The following PI4KA variants were observed in gnomAD, a reference collection of about 807,000 sequenced individuals.
PI4KA encodes the protein phosphatidylinositol 4-kinase alpha.
Under a neutral mutation model 271.4 loss-of-function variants are expected in PI4KA, and 122 were observed. That is an observed-to-expected ratio of 0.45 (90% CI 0.39 to 0.52). PI4KA has a LOEUF of 0.52. Ranked by LOEUF, PI4KA falls within the 20% of genes least tolerant of loss-of-function variation. PI4KA has a pLI of 0.00. For missense variants in PI4KA, 1,969 were observed against 2,769.1 expected, an observed-to-expected ratio of 0.71 and a Z score of 6.48; for synonymous variants, 1,041 against 1,078.8, an observed-to-expected ratio of 0.96 and a Z score of 0.69.
At chr22:20,737,071 A>G (rs1164689962) in intron 32 of PI4KA, among the ~76,000 whole-genome samples, 2 of 152,214 alleles carry the variant, frequency 1.3e-5, no homozygotes, top group Non-Finnish European at 2.9e-5. Context: ...TCAGTTCACC[A>G]TGCAGGCTGT....
intron 1 of PI4KA, among the ~76,000 whole-genome samples, chr22:20,858,201 G>A (rs1366693330): frequency 1.3e-5 from 2 of 152,190 alleles, no homozygotes; most frequent in East Asian, 1.9e-4. Flanking sequence ...CAGAACCCCA[G>A]GTCTTGACCC....
chr22:20,831,805 G>A (rs1924212934), intron 3 of PI4KA, among the ~76,000 whole-genome samples: 1 of 151,984 alleles, frequency 6.6e-6, no homozygotes, highest in African/African-American at 2.4e-5. Context: ...CCTTGGGGAT[G>A]GTCTTCTTGT....
rs187751922 is a variant in PI4KA, at chr22:20,761,497, T to C, written c.2709-111A>G. 289 of 720,022 alleles carry C rather than the reference T, an allele frequency of 4.0e-4. No homozygotes were observed. In the African/African-American group the frequency reaches 4.5e-3, roughly 11 times the overall value. 44.6% of individuals were successfully genotyped at this position (720,022 alleles called of 1,614,324 possible). On this transcript the variant is annotated intron_variant, in intron 22 of 54. Transcript: ENST00000255882. ...TGTGAAGAACATTTGCCCTCTGTCA[T>C]TCATAAGGGTGCACACTGAGGTGGA... is the stretch of plus-strand genomic sequence containing the variant.
chr22:20,743,161 TGA>T (rs1929664012), intron 30 of PI4KA, among the ~76,000 whole-genome samples: 2 of 152,216 alleles, frequency 1.3e-5, no homozygotes, highest in East Asian at 3.8e-4. Context: ...TATTATTTTT[TGA>T]GAGAGGGAGT....
chr22:20,802,572 G>A (rs1222248871), intron 13 of PI4KA, among the ~76,000 whole-genome samples: 1 of 152,182 alleles, frequency 6.6e-6, no homozygotes, highest in Non-Finnish European at 1.5e-5. Context: ...GTCTTGCTCT[G>A]TCACCCAGGC....
intron 29 of PI4KA, 132 bp from the exon 30 acceptor site, chr22:20,744,852 GC>G: frequency 1.7e-6 from 1 of 578,834 alleles, no homozygotes; most frequent in Non-Finnish European, 2.9e-6. Flanking sequence ...AATCTTCACT[GC>G]TGGCAAGTTA....
Position 20,709,974 on chromosome 22 carries a change from G to C in PI4KA, c.6107C>G (p.Ser2036Cys), listed in dbSNP as rs1925035996. 2 of 1,613,650 alleles carry C rather than the reference G, an allele frequency of 1.2e-6. No homozygotes were observed. The highest frequency in any genetic ancestry group is 1.3e-5 in the African/African-American group (1 of 75,026). ...CGTGTCCAACATGAGAGTGACCAGG[G>C]AGACGACCGCGTCCATGTAGGGCCT... ...AVRPYMDAVV[S>C]LVTLMLDTGL... The change falls in exon 53 of 55, where the codon TCC (serine) becomes TGC (cysteine). Residue 2036 changes from serine to cysteine, a missense_variant. This residue lies in a region of PI4KA where 110 missense variants were observed against 349.8 expected (regional missense o/e 0.31). Transcript: ENST00000255882.
chr22:20,829,992 T>C (rs1472172601), intron 3 of PI4KA, among the ~76,000 whole-genome samples: 1 of 152,248 alleles, frequency 6.6e-6, no homozygotes, highest in Non-Finnish European at 1.5e-5. Flanking sequence ...ATTCTATTTT[T>C]ATTGTGCTGT....
At position 20,843,081 on chromosome 22, in the gene PI4KA, G is replaced by C. The variant is rs568209815; in HGVS notation, c.157-4350C>G. 3.5e-3 allele frequency among the ~76,000 whole-genome samples: 497 copies of C among 140,406 alleles called. 5 individuals are homozygous for C. Among genetic ancestry groups the C allele is most frequent in the Non-Finnish European group, 5.1e-3 (338 of 66,466 alleles). 92.1% of individuals were successfully genotyped at this position (140,406 alleles called of 152,430 possible). ...CCACTGCACTCCAGCCTGGGCGACAGAGCGAGACTCCGTCTCAAAAAAAAA... is the reference window on the plus strand; with the variant it reads ...CCACTGCACTCCAGCCTGGGCGACACAGCGAGACTCCGTCTCAAAAAAAAA... On this transcript the variant is annotated intron_variant, in intron 1 of 54. Transcript: ENST00000255882.
intron 23 of PI4KA, among the ~76,000 whole-genome samples, chr22:20,758,558 G>A (rs1430833761): frequency 6.8e-6 from 1 of 146,794 alleles, no homozygotes; most frequent in Non-Finnish European, 1.5e-5. Context: ...GCTCAAGGAA[G>A]CCAAAAAATT....
intron 13 of PI4KA, 25 bp from the exon 14 acceptor site, chr22:20,802,130 T>C: frequency 2.5e-6 from 4 of 1,607,038 alleles, no homozygotes; most frequent in Non-Finnish European, 3.4e-6. Context: ...TTCAAATATA[T>C]ACCTAGTTAG....
chr22:20,758,751 C>G (rs954944125), intron 23 of PI4KA, among the ~76,000 whole-genome samples: 1 of 152,132 alleles, frequency 6.6e-6, no homozygotes, highest in African/African-American at 2.4e-5. Flanking sequence ...GCCCCCACCC[C>G]GCCCTGTGTC....
chr22:20,715,040 A>T (rs1261558209), intron 45 of PI4KA, among the ~76,000 whole-genome samples: 1 of 150,500 alleles, frequency 6.6e-6, no homozygotes, highest in Non-Finnish European at 1.5e-5. Context: ...CACCTGCCTG[A>T]GCAACCCTCT....
Position 20,748,400 on chromosome 22 carries a change from C to T in PI4KA, c.3244-698G>A, listed in dbSNP as rs142715859. ...AGCCTCGGTTCTCTACTGCAGCATA[C>T]CAGCAGCCTGGTGTGGGTGAACTGG... On this transcript the variant is annotated intron_variant, in intron 28 of 54. Transcript: ENST00000255882. 7.0e-4 allele frequency among the ~76,000 whole-genome samples: 106 copies of T among 152,194 alleles called. No individual in the cohort carries two copies. The East Asian group carries it at 0.016, about 24-fold the overall frequency.
At chr22:20,775,245 T>A (rs1329408052) in intron 19 of PI4KA, among the ~76,000 whole-genome samples, 1 of 152,192 alleles carries the variant, frequency 6.6e-6, no homozygotes, top group African/African-American at 2.4e-5. Context: ...TAAAATATAT[T>A]GTTTCTCTTC....
At chr22:20,807,108 C>A (rs985622265) in intron 10 of PI4KA, among the ~76,000 whole-genome samples, 1 of 152,166 alleles carries the variant, frequency 6.6e-6, no homozygotes, top group African/African-American at 2.4e-5. Context: ...ATAACATGCA[C>A]ATTTTAGATA....
At chr22:20,775,671 A>C (rs1188832350) in intron 19 of PI4KA, among the ~76,000 whole-genome samples, 1 of 152,092 alleles carries the variant, frequency 6.6e-6, no homozygotes, top group Admixed American at 6.6e-5. Context: ...CTTTTTTAAA[A>C]TAGAGATGAG....
intron 3 of PI4KA, among the ~76,000 whole-genome samples, chr22:20,828,722 T>C (rs531934723): frequency 1.4e-3 from 209 of 152,216 alleles, no homozygotes; most frequent in African/African-American, 4.7e-3. Flanking sequence ...GCCTGGCTAA[T>C]TTTTTGTATT....
intron 19 of PI4KA, among the ~76,000 whole-genome samples, chr22:20,777,182 G>C (rs1257299642): frequency 6.6e-6 from 1 of 151,820 alleles, no homozygotes; most frequent in African/African-American, 2.4e-5. Context: ...GGGACCACAG[G>C]CGTGTGCCAT....
Sources: gnomAD v4.1 joint callset for allele counts (sites outside exome capture counted in the v4.1 genomes callset) on GRCh38, gnomAD v4.1.1 for gene constraint, gnomAD v4.1.1 regional missense constraint, MANE v1.5 for transcripts, NCBI Gene and HGNC (gene_info 2026-07-23, HGNC 2026-07-21) for gene names.